IL18RAP: variants seen among roughly 807,000 people sequenced by gnomAD.
IL18RAP encodes the protein interleukin 18 receptor accessory protein.
Under a neutral mutation model 58.1 loss-of-function variants are expected in IL18RAP, and 37 were observed. The ratio of observed to expected loss-of-function variants is 0.64; its 90% CI spans 0.49 to 0.84. IL18RAP has a LOEUF of 0.84. Among genes scored for constraint, IL18RAP ranks in the 40% least tolerant of loss-of-function variants. The probability of loss-of-function intolerance (pLI) is 0.00; values close to 1 mark genes in which losing one functional copy is unlikely to be tolerated. For synonymous variants in IL18RAP, 268 were observed against 257.5 expected, an observed-to-expected ratio of 1.04 and a Z score of -0.39; for missense variants, 667 against 704.8, an observed-to-expected ratio of 0.95 and a Z score of 0.61.
At chr2:102,422,459 C>T (rs1573257074), upstream of IL18RAP, among the ~76,000 whole-genome samples, 1 of 152,320 alleles carries the variant, frequency 6.6e-6, no homozygotes, top group Non-Finnish European at 1.5e-5. Flanking sequence ...CTCCCTCCAG[C>T]TGCTGAAACT....
At chr2:102,426,211 G>A (rs1383236670) in intron 3 of IL18RAP, among the ~76,000 whole-genome samples, 1 of 152,126 alleles carries the variant, frequency 6.6e-6, no homozygotes, top group Non-Finnish European at 1.5e-5. Context: ...CAGGTGGTGG[G>A]TAAGTCATAC....
chr2:102,434,478 T>C (rs1276236907), intron 3 of IL18RAP: 1 of 152,144 alleles, frequency 6.6e-6, no homozygotes, highest in Non-Finnish European at 1.5e-5. Context: ...ATATTAGCCA[T>C]CACACGCAGG....
rs180898392 is a variant in IL18RAP at position 102,424,310 on chromosome 2, G to A, written c.475G>A (p.Ala159Thr). 100 of 1,613,920 alleles carry A rather than the reference G, an allele frequency of 6.2e-5. 2 individuals are homozygous for A. The Middle Eastern group carries it at 8.2e-4, about 13-fold the overall frequency. Residue 159 changes from alanine to threonine, a missense_variant, in exon 3 of 10, where the codon GCA becomes ACA. By Grantham distance (58) the Ala-to-Thr change is moderately conservative. Coordinates refer to ENST00000687160, the MANE Select transcript of IL18RAP (RefSeq NM_001393487.1). ...GACAAATGCATCCTGTGAGTATTCC[G>A]CATCACATAAGCAAGACCTACTTCT... is the stretch of plus-strand genomic sequence containing the variant. ...PQTNASCEYSASHKQDLLLGS... is the reference protein window; with the variant it reads ...PQTNASCEYSTSHKQDLLLGS...
chr2:102,448,960 CAAA>C lies in IL18RAP; in HGVS notation c.1210+1775_1210+1777del, dbSNP rs10566180. Among the ~76,000 whole-genome samples, 427 of 67,220 alleles carry C rather than the reference CAAA, an allele frequency of 6.4e-3. 3 individuals carry two copies. Among genetic ancestry groups the C allele is most frequent in the African/African-American group, 0.021 (322 of 15,308 alleles). 44.1% of individuals were successfully genotyped at this position (67,220 alleles called of 152,430 possible). A position where few individuals can be genotyped will look rare whatever the true frequency, so the allele number is the denominator to read the frequency against. On this transcript the variant is annotated intron_variant, in intron 8 of 9. Transcript: ENST00000687160. The stretch of plus-strand genomic sequence containing the variant: ...TGGATGGCAGAGCGATACCCTATCT[CAAA>C]AAAAAAAAAAAAAAAAAAAAAGTGA...
At chr2:102,443,527 C>A (rs139495199) in intron 6 of IL18RAP, among the ~76,000 whole-genome samples, 1 of 152,160 alleles carries the variant, frequency 6.6e-6, no homozygotes, top group Non-Finnish European at 1.5e-5. Flanking sequence ...AACAGTTTGA[C>A]GTGGCTGCTC....
At chr2:102,425,900 C>T (rs1681906307) in intron 3 of IL18RAP, among the ~76,000 whole-genome samples, 1 of 152,138 alleles carries the variant, frequency 6.6e-6, no homozygotes, top group Admixed American at 6.6e-5. Flanking sequence ...AGCTTTGTTT[C>T]ACTTCCCTGG....
intron 6 of IL18RAP, among the ~76,000 whole-genome samples, chr2:102,444,759 C>T (rs182349776): frequency 6.6e-6 from 1 of 152,320 alleles, no homozygotes; most frequent in East Asian, 1.9e-4. Context: ...GTCCTTGTCA[C>T]TGGCCAAGGC....
chr2:102,424,186 T>G, intron 2 of IL18RAP, 45 bp from the exon 3 acceptor site: 1 of 1,609,512 alleles, frequency 6.2e-7, no homozygotes, highest in South Asian at 1.1e-5. Context: ...TCCTCTATTA[T>G]CTAGACAAAA....
chr2:102,423,206 C>G lies in IL18RAP; in HGVS notation c.-72C>G. Reference sequence around the variant, plus strand: ...TGAAGGGGATACTCAGGGCAGAGTTCTGAATCTCAAAACACTCTACTCTGG... The same window carrying G: ...TGAAGGGGATACTCAGGGCAGAGTTGTGAATCTCAAAACACTCTACTCTGG... On this transcript the variant is annotated 5_prime_UTR_variant, in exon 1 of 10. Coordinates refer to ENST00000687160, the MANE Select transcript of IL18RAP (RefSeq NM_001393487.1). 1 of 1,390,388 alleles carries G rather than the reference C, an allele frequency of 7.2e-7. No homozygotes were observed. Among genetic ancestry groups the G allele is most frequent in the East Asian group, 2.3e-5 (1 of 43,828 alleles). The allele number at this position is 1,390,388 out of a possible 1,614,324, so 86.1% of individuals were successfully genotyped here. A position where few individuals can be genotyped will look rare whatever the true frequency, so the allele number is the denominator to read the frequency against.
chr2:102,431,536 A>G (rs779142157), intron 3 of IL18RAP, among the ~76,000 whole-genome samples: 1 of 152,096 alleles, frequency 6.6e-6, no homozygotes, highest in Non-Finnish European at 1.5e-5. Context: ...CCATCTTCCA[A>G]AATTCCTAAT....
At position 102,437,272 on chromosome 2, in the gene IL18RAP, T is replaced by C. The variant is rs142064249; in HGVS notation, c.640T>C (p.Tyr214His). The C allele has an allele frequency of 1.6e-5, 26 of 1,613,818 alleles. 1 individual carries two copies. In the East Asian group the frequency reaches 5.6e-4, roughly 35 times the overall value. Residue 214 changes from tyrosine (Y) to histidine (H), a missense_variant, in exon 4 of 10, where the codon TAT (tyrosine) becomes CAT (histidine). Physicochemically the swap from Tyr to His is moderately conservative, Grantham distance 83 (BLOSUM62 2). Transcript: ENST00000687160. Reference sequence around the variant, plus strand: ...AATCGTAGTGGATGAAGTTTATGACTATCACCAGGGCACATATGTATGTGA... The same window carrying C: ...AATCGTAGTGGATGAAGTTTATGACCATCACCAGGGCACATATGTATGTGA... The part of the protein sequence containing the change: ...NRIVVDEVYD[Y>H]HQGTYVCDYT...
At chr2:102,451,186 T>A (rs575610054) in intron 9 of IL18RAP, among the ~76,000 whole-genome samples, 165 bp downstream of exon 9, 2 of 152,356 alleles carry the variant, frequency 1.3e-5, no homozygotes, top group South Asian at 4.1e-4. Context: ...AGAGATGTGT[T>A]CCATTATCAA....
At position 102,437,207 on chromosome 2, in the gene IL18RAP, A is replaced by G. The variant is rs113121746; in HGVS notation, c.580-5A>G. ...TTTATCTGCTTAAAATATCTTTTGG[A>G]TTAGAATGGAAAACTCCTCTCTGTG... is the stretch of plus-strand genomic sequence containing the variant. On this transcript the variant is annotated splice_region_variant and splice_polypyrimidine_tract_variant and intron_variant, in intron 3 of 9. Transcript: ENST00000687160. 19 of 1,604,036 alleles carry G rather than the reference A, an allele frequency of 1.2e-5. No homozygotes were observed. Among genetic ancestry groups the G allele is most frequent in the Middle Eastern group, 1.7e-4 (1 of 6,016 alleles).
Position 102,423,312 on chromosome 2 carries a change from T to C in IL18RAP, c.35T>C (p.Val12Ala). 1 of 1,614,098 alleles carries C rather than the reference T, an allele frequency of 6.2e-7. No homozygotes were observed. Among genetic ancestry groups the C allele is most frequent in the Non-Finnish European group, 8.5e-7 (1 of 1,179,970 alleles). The part of the protein sequence containing the change: ...LCLGWIFLWL[V>A]AGERIKGFNI... ...TTGGGCTGGATATTTCTTTGGCTTG[T>C]TGCAGGAGAGCGAATTAAAGGATTT... The change falls in exon 1 of 10, where the codon GTT becomes GCT. Residue 12 changes from valine (V) to alanine (A), a missense_variant. Transcript: ENST00000687160.
At chr2:102,444,852 G>A (rs1348110745) in intron 6 of IL18RAP, among the ~76,000 whole-genome samples, 1 of 152,116 alleles carries the variant, frequency 6.6e-6, no homozygotes, top group Admixed American at 6.5e-5. Flanking sequence ...CACAGAAGAG[G>A]GACTGATACA....
At chr2:102,426,751 G>A (rs1480596465) in intron 3 of IL18RAP, among the ~76,000 whole-genome samples, 1 of 152,034 alleles carries the variant, frequency 6.6e-6, no homozygotes, top group Non-Finnish European at 1.5e-5. Flanking sequence ...TACTTTTTTT[G>A]TGGACAGACA....
chr2:102,426,772 ACTCT>A (rs1378349517), intron 3 of IL18RAP, among the ~76,000 whole-genome samples: 2 of 152,044 alleles, frequency 1.3e-5, no homozygotes, highest in Admixed American at 6.6e-5. Context: ...TTTGAAACTT[ACTCT>A]CTTAGTTATT....
intron 6 of IL18RAP, among the ~76,000 whole-genome samples, 198 bp from the exon 7 acceptor site, chr2:102,444,991 C>A (rs546985906): frequency 1.3e-5 from 2 of 152,142 alleles, no homozygotes; most frequent in African/African-American, 4.8e-5. Context: ...AATGTCTTAG[C>A]GTGAATGCTT....
At chr2:102,449,961 G>A (rs1036000197) in intron 8 of IL18RAP, among the ~76,000 whole-genome samples, 1 of 152,052 alleles carries the variant, frequency 6.6e-6, no homozygotes, top group Non-Finnish European at 1.5e-5. Flanking sequence ...TTGGTACCTG[G>A]TACTTCCATC....
Sources: gnomAD v4.1 joint callset for allele counts (sites outside exome capture counted in the v4.1 genomes callset) on GRCh38, gnomAD v4.1.1 for gene constraint, MANE v1.5 for transcripts, NCBI Gene and HGNC (gene_info 2026-07-23, HGNC 2026-07-21) for gene names.